The following CCDC146 variants were observed in gnomAD, a reference collection of about 807,000 sequenced individuals.
The protein encoded by CCDC146 is coiled-coil domain-containing protein 146.
CCDC146 carries 92 observed loss-of-function variants against 119.3 expected under a neutral mutation model. The observed-to-expected ratio is 0.77, with a 90% CI of 0.65 to 0.92. The LOEUF (loss-of-function observed/expected upper bound fraction) is 0.92. Ranked by LOEUF, CCDC146 falls within the 40% of genes least tolerant of loss-of-function variation. The pLI is 0.00. For missense variants in CCDC146, 1,000 were observed against 1,103.0 expected (o/e 0.91, Z 1.32); for synonymous variants, 372 against 371.8 (o/e 1.00, Z -0.01).
intron 1 of CCDC146, among the ~76,000 whole-genome samples, chr7:77,126,807 T>G (rs1362726151): frequency 6.6e-6 from 1 of 152,072 alleles, no homozygotes; most frequent in African/African-American, 2.4e-5. Flanking sequence ...GATTGGTCCA[T>G]GGGCAGCCAT....
intron 1 of CCDC146, among the ~76,000 whole-genome samples, chr7:77,124,377 T>C (rs1330842243): frequency 1.3e-5 from 2 of 152,198 alleles, no homozygotes; most frequent in Non-Finnish European, 2.9e-5. Context: ...TCAACAATGA[T>C]TAATAAAAGT....
intron 16 of CCDC146, 117 bp from the exon 17 acceptor site, chr7:77,287,323 A>G (rs1456199169): frequency 6.9e-5 from 77 of 1,121,128 alleles, no homozygotes; most frequent in Non-Finnish European, 3.1e-5. Flanking sequence ...CCCAGCTCTA[A>G]ACACTTTCCA....
intron 2 of CCDC146, chr7:77,199,579 A>T: frequency 6.2e-7 from 1 of 1,614,102 alleles, no homozygotes; most frequent in Non-Finnish European, 8.5e-7. Flanking sequence ...GATCCTGCTG[A>T]ATTGCTTCGG....
At position 77,264,076 on chromosome 7, in the gene CCDC146, ACTT is replaced by A. The variant is rs1793354873; in HGVS notation, c.1173+1773_1173+1775del. On this transcript the variant is annotated intron_variant, in intron 9 of 18. Coordinates refer to ENST00000285871, the MANE Select transcript of CCDC146 (RefSeq NM_020879.3). ...TATATAGTATATTTATGATATATATACTTCTTATTTAATCATTTTATTGCAATT... is the reference window on the plus strand; with the variant it reads ...TATATAGTATATTTATGATATATATACTTATTTAATCATTTTATTGCAATT... Among the ~76,000 whole-genome samples the A allele has an allele frequency of 2.0e-5, 3 of 152,164 alleles. No homozygotes were observed. In the South Asian group the frequency reaches 6.2e-4, roughly 32 times the overall value.
At chr7:77,253,618 T>A in intron 4 of CCDC146, among the ~76,000 whole-genome samples, 1 of 152,104 alleles carries the variant, frequency 6.6e-6, no homozygotes, top group East Asian at 1.9e-4. Context: ...AGGTACTTTT[T>A]AAGACAATGA....
At chr7:77,125,728 T>G (rs1287141631) in intron 1 of CCDC146, among the ~76,000 whole-genome samples, 3 of 152,046 alleles carry the variant, frequency 2.0e-5, no homozygotes, top group Non-Finnish European at 4.4e-5. Context: ...GCAATTTAGC[T>G]TAAGAGAAAA....
chr7:77,143,793 G>C, intron 1 of CCDC146, among the ~76,000 whole-genome samples: 1 of 151,764 alleles, frequency 6.6e-6, no homozygotes, highest in East Asian at 1.9e-4. Context: ...TTTGGTACCA[G>C]TACCATGCTG....
chr7:77,186,215 A>T (rs1394415935), intron 2 of CCDC146, among the ~76,000 whole-genome samples: 1 of 152,226 alleles, frequency 6.6e-6, no homozygotes, highest in Non-Finnish European at 1.5e-5. Flanking sequence ...AGCACTATTC[A>T]TAATAGCCCA....
In CCDC146 at chr7:77,274,402, A is replaced by G. The variant is rs1032094993; in HGVS notation, c.1270-80A>G. ...AAAATACATTTTGTATAGGAAGTAA[A>G]AAGGTAGTCTAAGATACTAGCTTTA... On this transcript the variant is annotated intron_variant, in intron 10 of 18. Coordinates refer to ENST00000285871, the MANE Select transcript of CCDC146 (RefSeq NM_020879.3). The G allele has an allele frequency of 1.6e-5, 15 of 951,346 alleles. No homozygotes were observed. The African/African-American group carries it at 2.0e-4, about 13-fold the overall frequency. 58.9% of individuals were successfully genotyped at this position (951,346 alleles called of 1,614,324 possible).
intron 1 of CCDC146, among the ~76,000 whole-genome samples, chr7:77,137,512 C>T (rs187439649): frequency 0.024 from 3,477 of 144,044 alleles, 189 homozygotes; most frequent in African/African-American, 0.084. Flanking sequence ...TCCATTAGAA[C>T]CCCTTAAAGT....
At chr7:77,252,227 C>G (rs745937906) in intron 4 of CCDC146, among the ~76,000 whole-genome samples, 2 of 151,692 alleles carry the variant, frequency 1.3e-5, no homozygotes, top group East Asian at 3.9e-4. Flanking sequence ...ACTGGAGTTG[C>G]AGTAAGAGAA....
At chr7:77,147,920 A>G (rs961462361) in intron 1 of CCDC146, among the ~76,000 whole-genome samples, 122 of 152,308 alleles carry the variant, frequency 8.0e-4, no homozygotes, top group Admixed American at 1.5e-3. Context: ...TGGGAGAACC[A>G]CTACTCTCTT....
At chr7:77,201,279 C>T (rs776843715) in intron 2 of CCDC146, among the ~76,000 whole-genome samples, 2 of 151,996 alleles carry the variant, frequency 1.3e-5, no homozygotes, top group East Asian at 1.9e-4. Context: ...TGGTGGCTCA[C>T]GCCTGTAATC....
At chr7:77,256,813 G>A (rs879271323) in intron 6 of CCDC146, among the ~76,000 whole-genome samples, 6 of 152,166 alleles carry the variant, frequency 3.9e-5, no homozygotes, top group Non-Finnish European at 8.8e-5. Flanking sequence ...TTTCCTTGAA[G>A]AACAACCATG....
chr7:77,259,625 A>G (rs1456665150), intron 7 of CCDC146, among the ~76,000 whole-genome samples: 1 of 152,236 alleles, frequency 6.6e-6, no homozygotes, highest in Non-Finnish European at 1.5e-5. Context: ...AAGGGGAAAA[A>G]TTAGGCAGGC....
intron 2 of CCDC146, among the ~76,000 whole-genome samples, chr7:77,212,503 C>T (rs1184502739): frequency 1.3e-5 from 2 of 151,530 alleles, no homozygotes; most frequent in African/African-American, 4.9e-5. Context: ...CACCTGTAGT[C>T]CCAGCTACTT....
intron 17 of CCDC146, among the ~76,000 whole-genome samples, chr7:77,290,473 G>C (rs1038291426): frequency 1.3e-5 from 2 of 152,114 alleles, no homozygotes; most frequent in Non-Finnish European, 2.9e-5. Context: ...ATTTAAAAAA[G>C]GAAAGGCAGC....
chr7:77,282,373 T>TA, intron 14 of CCDC146, 184 bp from the exon 15 acceptor site: 1 of 565,634 alleles, frequency 1.8e-6, no homozygotes, highest in Non-Finnish European at 3.1e-6. Flanking sequence ...GTAACCCTCC[T>TA]ATCCCTAGAG....
chr7:77,167,147 T>C (rs1377265363), intron 1 of CCDC146, among the ~76,000 whole-genome samples: 1 of 152,128 alleles, frequency 6.6e-6, no homozygotes, highest in African/African-American at 2.4e-5. Flanking sequence ...TATGGGTAAA[T>C]AAGAATATAG....
Sources: allele counts gnomAD v4.1 joint callset (sites outside exome capture counted in the v4.1 genomes callset), GRCh38; gene constraint gnomAD v4.1.1; transcripts MANE v1.5; gene names NCBI Gene and HGNC (gene_info 2026-07-23, HGNC 2026-07-21).